The following NALF1 variants were observed in gnomAD, a reference collection of about 807,000 sequenced individuals.
NALF1 encodes family with sequence similarity 155 member A.
A neutral mutation model predicts 48.4 loss-of-function variants in NALF1; 3 were observed. The ratio of observed to expected loss-of-function variants is 0.06; its 90% confidence interval spans 0.03 to 0.16. NALF1 has a LOEUF of 0.16. Ranked by LOEUF, NALF1 falls within the 10% of genes least tolerant of loss-of-function variation. The pLI, the probability that NALF1 is intolerant of heterozygous loss-of-function variation, is 1.00. For missense variants in NALF1, 526 were observed against 571.5 expected (o/e 0.92, Z 0.81); for synonymous variants, 262 against 245.7 (o/e 1.07, Z -0.62).
At position 107,706,341 on chromosome 13, in the gene NALF1, T is replaced by A. The variant is rs112712993; in HGVS notation, c.915+159341A>T. On this transcript the variant is annotated intron_variant, in intron 1 of 2. Transcript: ENST00000375915. The stretch of plus-strand genomic sequence containing the variant: ...TTATCTTCTATTTAGGAAGACATAT[T>A]ATTTAGAATATGTGGACACGCAGCT... 6.6e-3 allele frequency among the ~76,000 whole-genome samples: 1,000 copies of A among 152,338 alleles called. 10 individuals are homozygous for A. Among genetic ancestry groups the A allele is most frequent in the African/African-American group, 0.023 (950 of 41,578 alleles).
rs76883694 is a variant in NALF1 at position 107,479,326 on chromosome 13, T to C, written c.916-268571A>G. Among the ~76,000 whole-genome samples the C allele has an allele frequency of 6.5e-3, 983 of 152,302 alleles. 35 individuals are homozygous for C. The East Asian group carries it at 0.1, about 16-fold the overall frequency. On this transcript the variant is annotated intron_variant, in intron 1 of 2. Transcript: ENST00000375915. Reference sequence around the variant, plus strand: ...TGGCATCATAACTATTACCCTCTTATGATCATTTTGCTCCATAGTATCTCT... The same window carrying C: ...TGGCATCATAACTATTACCCTCTTACGATCATTTTGCTCCATAGTATCTCT...
At chr13:107,635,643 C>A (rs1021935701) in intron 1 of NALF1, among the ~76,000 whole-genome samples, 3 of 152,256 alleles carry the variant, frequency 2.0e-5, no homozygotes, top group Admixed American at 1.3e-4. Flanking sequence ...AACTTCAATT[C>A]CTCCATCCAT....
intron 1 of NALF1, among the ~76,000 whole-genome samples, chr13:107,604,563 C>T (rs1879014810): frequency 6.6e-6 from 1 of 152,112 alleles, no homozygotes; most frequent in Non-Finnish European, 1.5e-5. Flanking sequence ...TCTTTTGGAA[C>T]TCAGTTGAAA....
chr13:107,457,386 T>A (rs1284674785), intron 1 of NALF1, among the ~76,000 whole-genome samples: 1 of 152,092 alleles, frequency 6.6e-6, no homozygotes, highest in Non-Finnish European at 1.5e-5. Flanking sequence ...GCCTCATAGG[T>A]AATATTGGCC....
intron 1 of NALF1, among the ~76,000 whole-genome samples, chr13:107,250,810 T>G (rs1384403984): frequency 2.0e-5 from 3 of 152,164 alleles, no homozygotes; most frequent in Non-Finnish European, 4.4e-5. Flanking sequence ...GGGGTCAGAC[T>G]TCCCCCTTGC....
intron 1 of NALF1, among the ~76,000 whole-genome samples, chr13:107,679,884 T>A (rs375705267): frequency 1.3e-5 from 2 of 152,234 alleles, no homozygotes; most frequent in Admixed American, 6.5e-5. Context: ...CTGGGTGTAT[T>A]TGAATCCACT....
At chr13:107,420,721 C>T (rs960086492) in intron 1 of NALF1, among the ~76,000 whole-genome samples, 1 of 152,142 alleles carries the variant, frequency 6.6e-6, no homozygotes, top group African/African-American at 2.4e-5. Flanking sequence ...TATTTAAGCA[C>T]AAATTCATCG....
intron 1 of NALF1, among the ~76,000 whole-genome samples, chr13:107,482,061 A>C (rs1161062466): frequency 6.6e-6 from 1 of 152,106 alleles, no homozygotes; most frequent in African/African-American, 2.4e-5. Flanking sequence ...TCACTGTGAA[A>C]GTATTTTTTT....
intron 1 of NALF1, among the ~76,000 whole-genome samples, chr13:107,583,492 T>C (rs1469122972): frequency 6.6e-6 from 1 of 152,176 alleles, no homozygotes; most frequent in Non-Finnish European, 1.5e-5. Flanking sequence ...GCCAATGATA[T>C]AATGTAGCAG....
chr13:107,260,996 T>C (rs74427124), intron 1 of NALF1, among the ~76,000 whole-genome samples: 12,563 of 152,266 alleles, frequency 0.083, 558 homozygotes, highest in Middle Eastern at 0.16. Context: ...TCCACGGGCT[T>C]ATTGGAGCCT....
intron 1 of NALF1, among the ~76,000 whole-genome samples, chr13:107,216,410 G>C (rs750095): frequency 0.3 from 45,250 of 152,100 alleles, 7,862 homozygotes; most frequent in Middle Eastern, 0.4. Flanking sequence ...GATATATTCT[G>C]AAAGGGAAAC....
chr13:107,700,056 A>G (rs960595356), intron 1 of NALF1, among the ~76,000 whole-genome samples: 5 of 152,078 alleles, frequency 3.3e-5, no homozygotes, highest in African/African-American at 1.2e-4. Flanking sequence ...AAGAATTAAT[A>G]TTGTTAAAAT....
In NALF1 at chr13:107,420,508, G is replaced by A. The variant is rs533879971; in HGVS notation, c.916-209753C>T. ...AAATTAATTCTGTTAAAACTCAAAT[G>A]TCTTTGACACTTTTCCTAGAGAAAT... On this transcript the variant is annotated intron_variant, in intron 1 of 2. Coordinates refer to ENST00000375915, the MANE Select transcript of NALF1 (RefSeq NM_001080396.3). 7.2e-5 allele frequency among the ~76,000 whole-genome samples: 11 copies of A among 152,222 alleles called. No individual in the cohort carries two copies. In the South Asian group the frequency reaches 2.3e-3, roughly 32 times the overall value.
At chr13:107,619,323 T>G (rs1239852897) in intron 1 of NALF1, among the ~76,000 whole-genome samples, 1 of 152,194 alleles carries the variant, frequency 6.6e-6, no homozygotes, top group Non-Finnish European at 1.5e-5. Context: ...AGTCAAGATG[T>G]GTACAGAGAG....
At chr13:107,695,450 AT>A (rs551750667) in intron 1 of NALF1, among the ~76,000 whole-genome samples, 1 of 152,282 alleles carries the variant, frequency 6.6e-6, no homozygotes, top group Admixed American at 6.5e-5. Flanking sequence ...CCTGTCATGT[AT>A]TTTTTTCAAC....
chr13:107,757,694 T>C (rs1039193386), intron 1 of NALF1, among the ~76,000 whole-genome samples: 1 of 152,140 alleles, frequency 6.6e-6, no homozygotes, highest in Non-Finnish European at 1.5e-5. Flanking sequence ...TCTTGATTTT[T>C]GTCACTGAAG....
At chr13:107,410,256 A>G (rs1594047739) in intron 1 of NALF1, among the ~76,000 whole-genome samples, 1 of 152,010 alleles carries the variant, frequency 6.6e-6, no homozygotes, top group South Asian at 2.1e-4. Context: ...ATTTCTCTCC[A>G]TTCCACACCT....
chr13:107,312,286 G>A (rs1256648417), intron 1 of NALF1, among the ~76,000 whole-genome samples: 1 of 152,082 alleles, frequency 6.6e-6, no homozygotes, highest in Non-Finnish European at 1.5e-5. Context: ...CATGGATGAA[G>A]CTGGAAACCA....
chr13:107,372,043 G>A (rs1193523251), intron 1 of NALF1, among the ~76,000 whole-genome samples: 1 of 152,160 alleles, frequency 6.6e-6, no homozygotes, highest in East Asian at 1.9e-4. Flanking sequence ...ATAGGGCACT[G>A]TTTTGTGAAC....
Sources: gnomAD v4.1 joint callset for allele counts (sites outside exome capture counted in the v4.1 genomes callset) on GRCh38, gnomAD v4.1.1 for gene constraint, MANE v1.5 for transcripts, NCBI Gene and HGNC (gene_info 2026-07-23, HGNC 2026-07-21) for gene names.